The following MMD2 variants were observed in gnomAD, a reference collection of about 807,000 sequenced individuals.
The protein encoded by MMD2 is monocyte to macrophage differentiation factor 2.
A neutral mutation model predicts 33.5 loss-of-function variants in MMD2; 30 were observed. The observed-to-expected ratio is 0.90, with a 90% CI of 0.67 to 1.22. The LOEUF is 1.22. Ranked by LOEUF, MMD2 falls within the 50% of genes most tolerant of loss-of-function variation. The probability of loss-of-function intolerance (pLI) is 0.00; values close to 1 mark genes in which losing one functional copy is unlikely to be tolerated. For missense variants in MMD2, 364 were observed against 325.4 expected (o/e 1.12, Z -0.91); for synonymous variants, 129 against 123.0 (o/e 1.05, Z -0.32).
chr7:4,932,023 C>T (rs746614107), intron 1 of MMD2, among the ~76,000 whole-genome samples: 7 of 152,182 alleles, frequency 4.6e-5, no homozygotes, highest in Admixed American at 2.0e-4. Flanking sequence ...CGAGGTCTCT[C>T]CCTCTACCTG....
At chr7:4,892,604 A>AAATG in the MMD2 span, among the ~76,000 whole-genome samples, 2 of 149,362 alleles carry the variant, frequency 1.3e-5, no homozygotes, top group Admixed American at 1.3e-4. Flanking sequence ...ATAAATAAAT[A>AAATG]AATAAATAAA....
At chr7:4,938,677 C>CAA (rs1785819066) in intron 1 of MMD2, among the ~76,000 whole-genome samples, 1 of 152,048 alleles carries the variant, frequency 6.6e-6, no homozygotes. Context: ...CTTGGAAAGG[C>CAA]AGAAGGTATG....
At chr7:4,929,595 G>A (rs751907333) in intron 1 of MMD2, among the ~76,000 whole-genome samples, 1 of 151,990 alleles carries the variant, frequency 6.6e-6, no homozygotes, top group Non-Finnish European at 1.5e-5. Context: ...CGCTGTCTTG[G>A]CTCACTGCAA....
At chr7:4,952,273 G>A (rs762797990) in intron 1 of MMD2, among the ~76,000 whole-genome samples, 12 of 152,222 alleles carry the variant, frequency 7.9e-5, no homozygotes, top group African/African-American at 9.6e-5. Context: ...TAAAAGGCCC[G>A]GGACTTGGGA....
At chr7:4,955,143 T>C (rs1398341498) in intron 1 of MMD2, among the ~76,000 whole-genome samples, 1 of 152,216 alleles carries the variant, frequency 6.6e-6, no homozygotes, top group African/African-American at 2.4e-5. Flanking sequence ...GGGCACGTGC[T>C]ACCACACACA....
At chr7:4,955,550 C>T (rs573476562) in intron 1 of MMD2, among the ~76,000 whole-genome samples, 2 of 152,216 alleles carry the variant, frequency 1.3e-5, no homozygotes, top group Admixed American at 6.5e-5. Flanking sequence ...GTATAAAATG[C>T]ACATTAGATG....
In MMD2 at chr7:4,906,834, G is replaced by T; in HGVS notation, c.*562C>A. 1 of 320,664 alleles carries T rather than the reference G, an allele frequency of 3.1e-6. No individual in the cohort carries two copies. The highest frequency in any genetic ancestry group is 5.7e-6 in the Non-Finnish European group (1 of 175,548). 19.9% of individuals were successfully genotyped at this position (320,664 alleles called of 1,614,324 possible). A position where few individuals can be genotyped will look rare whatever the true frequency, so the allele number is the denominator to read the frequency against. On this transcript the variant is annotated 3_prime_UTR_variant, in exon 7 of 7. Transcript: ENST00000401401. ...AGTGCCAAATTGATTGGTACTGGCT[G>T]CCCAGAACACTGTGCTGGGAAGAAT...
At chr7:4,911,621 CATTTATTTT>C (rs984773339) in intron 4 of MMD2, among the ~76,000 whole-genome samples, 3 of 131,242 alleles carry the variant, frequency 2.3e-5, no homozygotes, top group Non-Finnish European at 4.8e-5. Flanking sequence ...TATTTTATTT[CATTTATTTT>C]ATTTATTTTA....
intron 1 of MMD2, among the ~76,000 whole-genome samples, chr7:4,929,415 C>A (rs1252091459): frequency 6.6e-6 from 1 of 152,270 alleles, no homozygotes; most frequent in East Asian, 1.9e-4. Flanking sequence ...GAAGCCCCCC[C>A]CAGGAGCCCA....
rs530582700 is a variant in MMD2 at position 4,938,813 on chromosome 7, T to C, written c.48-13281A>G. On this transcript the variant is annotated intron_variant, in intron 1 of 6. Transcript: ENST00000401401. ...CTACAATGTTCATGTACTACCTCAATGATCTTTTTAAAATCCTATCAAATA... is the reference window on the plus strand; with the variant it reads ...CTACAATGTTCATGTACTACCTCAACGATCTTTTTAAAATCCTATCAAATA... 2.0e-5 allele frequency among the ~76,000 whole-genome samples: 3 copies of C among 152,322 alleles called. No homozygotes were observed. In the East Asian group the frequency reaches 5.8e-4, roughly 29 times the overall value.
At chr7:4,908,841 A>G (rs570710967) in intron 6 of MMD2, among the ~76,000 whole-genome samples, 258 of 151,628 alleles carry the variant, frequency 1.7e-3, no homozygotes, top group South Asian at 3.6e-3. Flanking sequence ...AGGTTGCAGT[A>G]AGCCGAGATC....
chr7:4,922,086 C>T (rs546669389), intron 2 of MMD2, among the ~76,000 whole-genome samples: 34 of 151,930 alleles, frequency 2.2e-4, no homozygotes, highest in African/African-American at 7.0e-4. Flanking sequence ...ATTAGCTAGG[C>T]ATGGTGGCAT....
chr7:4,952,250 T>C (rs1261837283), intron 1 of MMD2, among the ~76,000 whole-genome samples: 2 of 152,218 alleles, frequency 1.3e-5, no homozygotes, highest in African/African-American at 4.8e-5. Context: ...CCCTGCTCAT[T>C]CCTGAAGGAT....
intron 2 of MMD2, among the ~76,000 whole-genome samples, chr7:4,922,693 G>T (rs1785318688): frequency 6.6e-6 from 1 of 151,984 alleles, no homozygotes; most frequent in African/African-American, 2.4e-5. Context: ...TCTTGCCTTG[G>T]CCTCCTGAGT....
At chr7:4,896,662 G>A in the MMD2 span, among the ~76,000 whole-genome samples, 3 of 152,042 alleles carry the variant, frequency 2.0e-5, no homozygotes, top group Non-Finnish European at 2.9e-5. Flanking sequence ...AACCACAAAA[G>A]ACATAGATGA....
chr7:4,911,243 C>A lies in MMD2; in HGVS notation c.369G>T (p.Leu123=), dbSNP rs1456128736. 1.3e-6 allele frequency: 2 copies of A among 1,585,472 alleles called. No homozygotes were observed. Among genetic ancestry groups the A allele is most frequent in the Admixed American group, 3.6e-5 (2 of 55,416 alleles). Residue 123 remains leucine, a synonymous_variant, in exon 5 of 7, where the codon CTG becomes CTT. Transcript: ENST00000401401. ...CCCAGGGGCCCAGCTCCCGAAGGTT[C>A]AGCCTGGGAGAGAAAGAGCCAAGGC... ...FFIAASYAPW[L]NLRELGPWAS... is the part of the protein sequence containing the mutation.
intron 1 of MMD2, among the ~76,000 whole-genome samples, chr7:4,935,835 C>G (rs560189959): frequency 3.3e-5 from 5 of 152,126 alleles, no homozygotes; most frequent in African/African-American, 1.2e-4. Flanking sequence ...AGAAAGGATT[C>G]TCAAGATCTT....
intron 1 of MMD2, among the ~76,000 whole-genome samples, chr7:4,935,036 A>G (rs1475859900): frequency 1.3e-5 from 2 of 152,104 alleles, no homozygotes; most frequent in African/African-American, 4.8e-5. Flanking sequence ...AAATACAAAA[A>G]TTAGCCAGGC....
Position 4,916,025 on chromosome 7 carries a change from T to A in MMD2, c.345A>T (p.Ile115=). 6.2e-7 allele frequency: 1 copy of A among 1,613,872 alleles called. No individual in the cohort carries two copies. Among genetic ancestry groups the A allele is most frequent in the Non-Finnish European group, 8.5e-7 (1 of 1,179,876 alleles). The part of the protein sequence containing the change: ...MFDRMVIYFF[I]AASYAPWLNL... Reference sequence around the variant, plus strand: ...CTCACCAGGGTGCGTAGGAAGCCGCTATGAAGAAATAGATGACCATCCGGT... The same window carrying A: ...CTCACCAGGGTGCGTAGGAAGCCGCAATGAAGAAATAGATGACCATCCGGT... Residue 115 remains isoleucine (I), a synonymous_variant, in exon 4 of 7, where the codon ATA becomes ATT. Coordinates refer to ENST00000401401, the MANE Select transcript of MMD2 (RefSeq NM_198403.4).
Sources: gnomAD v4.1 joint callset for allele counts (sites outside exome capture counted in the v4.1 genomes callset) on GRCh38, gnomAD v4.1.1 for gene constraint, MANE v1.5 for transcripts, NCBI Gene and HGNC (gene_info 2026-07-23, HGNC 2026-07-21) for gene names.